TMC7: variants seen among roughly 807,000 people sequenced by gnomAD.
The protein encoded by TMC7 is transmembrane channel like 7.
A neutral mutation model predicts 82.9 loss-of-function variants in TMC7; 54 were observed. The observed-to-expected ratio is 0.65, with a 90% CI of 0.52 to 0.82. The LOEUF is 0.82. Ranked by LOEUF, TMC7 falls within the 40% of genes least tolerant of loss-of-function variation. The pLI is 0.00. For synonymous variants in TMC7, 350 were observed against 337.9 expected, an observed-to-expected ratio of 1.04 and a Z score of -0.39; for missense variants, 820 against 901.2, an observed-to-expected ratio of 0.91 and a Z score of 1.15.
intron 1 of TMC7, among the ~76,000 whole-genome samples, chr16:18,989,452 C>T (rs149760426): frequency 1.4e-4 from 21 of 151,398 alleles, no homozygotes; most frequent in Admixed American, 6.6e-4. Context: ...GGATAAAAGG[C>T]GGAAATAACT....
At chr16:19,005,305 G>T (rs2142159560) in intron 1 of TMC7, among the ~76,000 whole-genome samples, 1 of 152,180 alleles carries the variant, frequency 6.6e-6, no homozygotes, top group East Asian at 1.9e-4. Context: ...TAGCAGGATG[G>T]TCTTGATCTC....
At chr16:19,035,890 T>A in intron 7 of TMC7, 67 bp downstream of exon 7, 1 of 1,507,822 alleles carries the variant, frequency 6.6e-7, no homozygotes, top group East Asian at 2.3e-5. Flanking sequence ...GGAGCCTGAG[T>A]TTTCAGCTTG....
intron 9 of TMC7, among the ~76,000 whole-genome samples, chr16:19,042,897 C>A (rs1961086027): frequency 6.6e-6 from 1 of 152,054 alleles, no homozygotes; most frequent in African/African-American, 2.4e-5. Context: ...CAGGCCCCCG[C>A]CACCATGCCC....
At chr16:18,987,101 G>A (rs963376230) in intron 1 of TMC7, among the ~76,000 whole-genome samples, 3 of 151,966 alleles carry the variant, frequency 2.0e-5, no homozygotes, top group Non-Finnish European at 4.4e-5. Flanking sequence ...CACCGTACCC[G>A]GCCATAGAGC....
intron 6 of TMC7, among the ~76,000 whole-genome samples, chr16:19,034,599 A>AAAAT (rs1232253979): frequency 7.0e-6 from 1 of 143,422 alleles, no homozygotes; most frequent in Non-Finnish European, 1.5e-5. Flanking sequence ...CTCCATCTCA[A>AAAAT]AAATAAATAA....
chr16:18,991,996 T>C (rs1242896817), intron 1 of TMC7, among the ~76,000 whole-genome samples: 4 of 152,238 alleles, frequency 2.6e-5, no homozygotes, highest in Non-Finnish European at 5.9e-5. Context: ...CAGTCTATCA[T>C]TGATAGACAT....
intron 12 of TMC7, chr16:19,049,681 A>G: frequency 2.0e-6 from 2 of 985,140 alleles, no homozygotes; most frequent in Non-Finnish European, 2.4e-6. Flanking sequence ...GGGTTGGGTC[A>G]TGGTGGGTAC....
intron 11 of TMC7, among the ~76,000 whole-genome samples, chr16:19,046,656 G>A (rs922402925): frequency 2.6e-5 from 4 of 151,904 alleles, no homozygotes; most frequent in Non-Finnish European, 5.9e-5. Context: ...GCAAAATAGC[G>A]AGACCCTGTC....
chr16:19,040,497 C>T (rs1428212359), intron 9 of TMC7, 51 bp downstream of exon 9: 1 of 1,537,070 alleles, frequency 6.5e-7, no homozygotes, highest in Non-Finnish European at 8.8e-7. Flanking sequence ...CACTACCTGC[C>T]CACTCTCTTG....
chr16:19,051,236 ATCTTT>A (rs1487903532), intron 12 of TMC7, among the ~76,000 whole-genome samples: 2 of 72,720 alleles, frequency 2.8e-5, no homozygotes, highest in Admixed American at 2.3e-4. Flanking sequence ...CTCCACCAAA[ATCTTT>A]TTTTTTTTTT....
chr16:19,061,209 C>T (rs1961995245), intron 15 of TMC7, among the ~76,000 whole-genome samples: 1 of 152,094 alleles, frequency 6.6e-6, no homozygotes, highest in Non-Finnish European at 1.5e-5. Context: ...TTCGGGGTTT[C>T]ACCTTGTTGG....
At chr16:19,005,425 G>A (rs1449615437) in intron 1 of TMC7, among the ~76,000 whole-genome samples, 3 of 152,192 alleles carry the variant, frequency 2.0e-5, no homozygotes, top group African/African-American at 7.2e-5. Flanking sequence ...GTACAAGGTA[G>A]GCAAGTACTC....
chr16:19,025,261 T>C (rs1960168255), intron 5 of TMC7, among the ~76,000 whole-genome samples: 1 of 152,168 alleles, frequency 6.6e-6, no homozygotes, highest in Admixed American at 6.6e-5. Context: ...CTCTAGGTGT[T>C]TAAGAAATAC....
chr16:19,026,794 C>T (rs1008502973), intron 5 of TMC7, among the ~76,000 whole-genome samples: 2 of 152,098 alleles, frequency 1.3e-5, no homozygotes, highest in Non-Finnish European at 2.9e-5. Context: ...CAGATTCTTG[C>T]TCTGTCACCC....
At chr16:19,011,813 G>C (rs567368484) in intron 2 of TMC7, among the ~76,000 whole-genome samples, 4 of 152,098 alleles carry the variant, frequency 2.6e-5, no homozygotes, top group Admixed American at 2.0e-4. Context: ...TTTTAATTTG[G>C]GTGGTCTTGT....
At chr16:19,017,999 G>T (rs1567512091) in intron 3 of TMC7, among the ~76,000 whole-genome samples, 1 of 152,198 alleles carries the variant, frequency 6.6e-6, no homozygotes, top group South Asian at 2.1e-4. Context: ...TTAGCTGGAT[G>T]TGGTGCTATA....
In TMC7 at chr16:19,012,610, G is replaced by A. The variant is rs112404175; in HGVS notation, c.311+3195G>A. On this transcript the variant is annotated intron_variant, in intron 2 of 15. Coordinates refer to ENST00000304381, the MANE Select transcript of TMC7 (RefSeq NM_024847.4). ...TCGAGAACAGGCTGGCCAACATGGTGAAACCTCATCTCTACTAAAAATACA... is the reference window on the plus strand; with the variant it reads ...TCGAGAACAGGCTGGCCAACATGGTAAAACCTCATCTCTACTAAAAATACA... Among the ~76,000 whole-genome samples, 374 of 151,772 alleles carry A rather than the reference G, an allele frequency of 2.5e-3. 6 individuals carry two copies. The highest frequency in any genetic ancestry group is 8.4e-3 in the African/African-American group (348 of 41,434).
intron 9 of TMC7, 61 bp from the exon 10 acceptor site, chr16:19,044,823 C>A (rs1961188675): frequency 5.5e-6 from 6 of 1,099,116 alleles, no homozygotes; most frequent in Admixed American, 5.4e-5. Context: ...AGCCCCAGTT[C>A]CAAGGGACCA....
intron 5 of TMC7, among the ~76,000 whole-genome samples, chr16:19,024,181 A>G (rs1960116496): frequency 6.6e-6 from 1 of 152,200 alleles, no homozygotes; most frequent in African/African-American, 2.4e-5. Context: ...CTGTAACCCC[A>G]ACACTTTGAG....
Sources: gnomAD v4.1 joint callset for allele counts (sites outside exome capture counted in the v4.1 genomes callset) on GRCh38, gnomAD v4.1.1 for gene constraint, MANE v1.5 for transcripts, NCBI Gene and HGNC (gene_info 2026-07-23, HGNC 2026-07-21) for gene names.